The following SLIT2 variants were observed in gnomAD, a reference collection of about 807,000 sequenced individuals.
The protein encoded by SLIT2 is slit homolog 2 protein.
A neutral mutation model predicts 185.7 loss-of-function variants in SLIT2; 41 were observed. That is an observed-to-expected ratio of 0.22 (90% CI 0.17 to 0.29). The LOEUF is 0.29. SLIT2 is among the 10% of genes least tolerant of loss of function. The pLI is 1.00. For missense variants in SLIT2, 1,571 were observed against 1,909.0 expected (o/e 0.82, Z 3.30); for synonymous variants, 693 against 680.2 (o/e 1.02, Z -0.29).
rs115096284 is a variant in SLIT2 at position 20,279,557 on chromosome 4, G to A, written c.395+10676G>A. 8.0e-3 allele frequency among the ~76,000 whole-genome samples: 1,213 copies of A among 152,232 alleles called. 12 individuals are homozygous for A. Among genetic ancestry groups the A allele is most frequent in the African/African-American group, 0.027 (1,138 of 41,510 alleles). On this transcript the variant is annotated intron_variant, in intron 4 of 36. Coordinates refer to ENST00000504154, the MANE Select transcript of SLIT2 (RefSeq NM_004787.4). Reference sequence around the variant, plus strand: ...TAATGTGGTACAGATGGTTGATTCAGACCACCTGGGTTTGAGTCACTGAAT... The same window carrying A: ...TAATGTGGTACAGATGGTTGATTCAAACCACCTGGGTTTGAGTCACTGAAT...
intron 5 of SLIT2, among the ~76,000 whole-genome samples, chr4:20,478,253 T>C (rs1716330790): frequency 6.6e-6 from 1 of 152,200 alleles, no homozygotes; most frequent in Non-Finnish European, 1.5e-5. Flanking sequence ...AATACCTTCA[T>C]GTTCAGGAAA....
At chr4:20,487,856 C>T (rs3756147) in intron 7 of SLIT2, among the ~76,000 whole-genome samples, 65,937 of 151,926 alleles carry the variant, frequency 0.43, 15,202 homozygotes, top group African/African-American at 0.61. Context: ...ATTTTTATAG[C>T]CTAATTATCT....
intron 4 of SLIT2, among the ~76,000 whole-genome samples, chr4:20,463,120 T>A (rs138538139): frequency 2.0e-4 from 30 of 152,178 alleles, no homozygotes; most frequent in African/African-American, 7.0e-4. Flanking sequence ...CAAGGTCCCA[T>A]GACTAATAAA....
chr4:20,469,706 G>A (rs2148747542), intron 5 of SLIT2, among the ~76,000 whole-genome samples: 1 of 148,896 alleles, frequency 6.7e-6, no homozygotes, highest in African/African-American at 2.5e-5. Flanking sequence ...TTTTGGACTT[G>A]CAGATATGAG....
intron 36 of SLIT2, among the ~76,000 whole-genome samples, chr4:20,618,122 C>T (rs1220728127): frequency 2.0e-5 from 3 of 152,142 alleles, no homozygotes; most frequent in African/African-American, 7.2e-5. Flanking sequence ...TTTATCACAG[C>T]AAATCATGTG....
intron 24 of SLIT2, 51 bp downstream of exon 24, chr4:20,549,179 T>C: frequency 4.4e-6 from 5 of 1,137,090 alleles, no homozygotes; most frequent in Non-Finnish European, 6.6e-6. Context: ...GATCTGAGTT[T>C]GGGGTTGTCT....
chr4:20,441,551 C>G lies in SLIT2; in HGVS notation c.396-26201C>G, dbSNP rs549414714. ...TCTCTCTCTCTCTCTCTCTCTCTGT[C>G]TCTACCCAGCCATCCCAGATCCAAC... On this transcript the variant is annotated intron_variant, in intron 4 of 36. Coordinates refer to ENST00000504154, the MANE Select transcript of SLIT2 (RefSeq NM_004787.4). 7.5e-5 allele frequency among the ~76,000 whole-genome samples: 11 copies of G among 146,940 alleles called. No homozygotes were observed. In the South Asian group the frequency reaches 2.0e-3, roughly 27 times the overall value.
chr4:20,505,926 C>T (rs1376410410), intron 9 of SLIT2, among the ~76,000 whole-genome samples: 2 of 152,024 alleles, frequency 1.3e-5, no homozygotes, highest in Non-Finnish European at 2.9e-5. Context: ...GAAGTGGAGA[C>T]AGAATGGGAA....
At chr4:20,297,140 T>A (rs543194976) in intron 4 of SLIT2, among the ~76,000 whole-genome samples, 2 of 152,336 alleles carry the variant, frequency 1.3e-5, no homozygotes, top group African/African-American at 4.8e-5. Flanking sequence ...TTCTTGGTAC[T>A]CATTTCTTTT....
rs1715572572 is a variant in SLIT2, at chr4:20,472,565, T to TAG, written c.467+4743_467+4744insGA. 7.7e-4 allele frequency among the ~76,000 whole-genome samples: 5 copies of TAG among 6,502 alleles called. 2 individuals carry two copies. The highest frequency in any genetic ancestry group is 0.043 in the East Asian group (2 of 46). The allele number at this position is 6,502 out of a possible 152,430, so 4.3% of individuals were successfully genotyped here. On this transcript the variant is annotated intron_variant, in intron 5 of 36. Coordinates refer to ENST00000504154, the MANE Select transcript of SLIT2 (RefSeq NM_004787.4). ...CTATATCTATATATAGATATATATC[T>TAG]ATATATAGATATATCTATATATAGA... is the stretch of plus-strand genomic sequence containing the variant.
chr4:20,336,964 A>G (rs1161577934), intron 4 of SLIT2, among the ~76,000 whole-genome samples: 1 of 152,202 alleles, frequency 6.6e-6, no homozygotes, highest in East Asian at 1.9e-4. Context: ...GGCTCCTGAG[A>G]ATACAGCTAA....
At chr4:20,459,085 C>A (rs1713404635) in intron 4 of SLIT2, among the ~76,000 whole-genome samples, 2 of 150,550 alleles carry the variant, frequency 1.3e-5, no homozygotes, top group African/African-American at 2.4e-5. Context: ...CTGTGTTCAA[C>A]AAAACTGTTG....
intron 4 of SLIT2, among the ~76,000 whole-genome samples, chr4:20,336,952 T>C (rs574277948): frequency 6.6e-6 from 1 of 152,340 alleles, no homozygotes; most frequent in South Asian, 2.1e-4. Flanking sequence ...TTGTTTGGAT[T>C]TGGCTCCTGA....
chr4:20,373,572 GTA>G (rs1226444043), intron 4 of SLIT2, among the ~76,000 whole-genome samples: 2 of 152,004 alleles, frequency 1.3e-5, no homozygotes, highest in Non-Finnish European at 2.9e-5. Flanking sequence ...ATATGCACAT[GTA>G]TATGTGTTGG....
intron 4 of SLIT2, among the ~76,000 whole-genome samples, chr4:20,427,993 C>T (rs1728687699): frequency 6.6e-6 from 1 of 152,158 alleles, no homozygotes; most frequent in Non-Finnish European, 1.5e-5. Context: ...TCTCACTCAT[C>T]TCATCCACAC....
intron 4 of SLIT2, among the ~76,000 whole-genome samples, chr4:20,274,135 T>G (rs562688520): frequency 6.6e-6 from 1 of 152,344 alleles, no homozygotes; most frequent in South Asian, 2.1e-4. Context: ...ATCTGAATTA[T>G]ATACTGATAC....
chr4:20,385,394 A>T (rs770264449), intron 4 of SLIT2, among the ~76,000 whole-genome samples: 6 of 152,148 alleles, frequency 3.9e-5, no homozygotes, highest in Non-Finnish European at 8.8e-5. Flanking sequence ...AATATTTGTT[A>T]AATGAATTCA....
At chr4:20,599,079 A>G (rs1047264657) in intron 33 of SLIT2, among the ~76,000 whole-genome samples, 10 of 152,296 alleles carry the variant, frequency 6.6e-5, no homozygotes, top group African/African-American at 2.4e-4. Context: ...ACCTGTCCTG[A>G]GCTTTAAGGA....
At chr4:20,605,359 A>T (rs1439137669) in intron 33 of SLIT2, among the ~76,000 whole-genome samples, 1 of 152,180 alleles carries the variant, frequency 6.6e-6, no homozygotes, top group Non-Finnish European at 1.5e-5. Flanking sequence ...CTTTGTTTTC[A>T]TGTATCCACT....
Sources: gnomAD v4.1 joint callset for allele counts (sites outside exome capture counted in the v4.1 genomes callset) on GRCh38, gnomAD v4.1.1 for gene constraint, MANE v1.5 for transcripts, NCBI Gene and HGNC (gene_info 2026-07-23, HGNC 2026-07-21) for gene names.